Variants in CCDC12 observed in about 807,000 individuals in gnomAD.
CCDC12 encodes the protein coiled-coil domain containing 12.
CCDC12 carries 28 observed loss-of-function variants against 25.7 expected under a neutral mutation model. The observed-to-expected ratio is 1.09, with a 90% confidence interval of 0.81 to 1.50. The LOEUF is 1.50. Ranked by LOEUF, CCDC12 falls within the 40% of genes most tolerant of loss-of-function variation. The pLI, the probability that CCDC12 is intolerant of heterozygous loss-of-function variation, is 0.00. For synonymous variants in CCDC12, 75 were observed against 87.7 expected, an observed-to-expected ratio of 0.86 and a Z score of 0.81; for missense variants, 198 against 210.0, an observed-to-expected ratio of 0.94 and a Z score of 0.35.
Position 46,976,690 on chromosome 3 carries a change from C to G in CCDC12, c.43G>C (p.Ala15Pro). 2.5e-6 allele frequency: 4 copies of G among 1,607,668 alleles called. No individual in the cohort carries two copies. Among genetic ancestry groups the G allele is most frequent in the Non-Finnish European group, 3.4e-6 (4 of 1,177,264 alleles). The change falls in exon 1 of 7, where the codon GCG becomes CCG. Residue 15 changes from alanine (A) to proline (P), a missense_variant. By Grantham distance (27) the Ala-to-Pro change is conservative. Coordinates refer to ENST00000683445, the MANE Select transcript of CCDC12 (RefSeq NM_001277074.2). ...TAGVGRLEEE[A>P]LRRKERLKAL... ...TTCAGCCGTTCCTTTCGCCGCAACG[C>G]CTCTTCCTCTAGCCGGCCCACACCA...
At chr3:46,971,691 C>T (rs892459797) in intron 1 of CCDC12, among the ~76,000 whole-genome samples, 1 of 152,318 alleles carries the variant, frequency 6.6e-6, no homozygotes, top group East Asian at 1.9e-4. Flanking sequence ...GGAAAACCAA[C>T]TCCATGCCTG....
At chr3:46,951,657 G>A (rs1459045334) in intron 1 of CCDC12, among the ~76,000 whole-genome samples, 1 of 147,548 alleles carries the variant, frequency 6.8e-6, no homozygotes, top group Admixed American at 6.8e-5. Flanking sequence ...GCGGGCACCT[G>A]CAGTCCCAGC....
At position 46,921,825 on chromosome 3, in the gene CCDC12, T is replaced by G. The variant is rs1006169105; in HGVS notation, c.*232A>C. Reference sequence around the variant, plus strand: ...ATACAGACATATGTACATCCACATGTGCAGACACAGGCACGCCCAGAGTTG... The same window carrying G: ...ATACAGACATATGTACATCCACATGGGCAGACACAGGCACGCCCAGAGTTG... On this transcript the variant is annotated 3_prime_UTR_variant, in exon 7 of 7. Coordinates refer to ENST00000683445, the MANE Select transcript of CCDC12 (RefSeq NM_001277074.2). The G allele has an allele frequency of 5.1e-6, 3 of 591,752 alleles. No individual in the cohort carries two copies. The highest frequency in any genetic ancestry group is 6.0e-6 in the Non-Finnish European group (2 of 331,334). The allele number at this position is 591,752 out of a possible 1,614,324, so 36.7% of individuals were successfully genotyped here. A position where few individuals can be genotyped will look rare whatever the true frequency, so the allele number is the denominator to read the frequency against.
intron 2 of CCDC12, among the ~76,000 whole-genome samples, chr3:46,933,511 T>C (rs1460752585): frequency 2.6e-5 from 4 of 152,184 alleles, no homozygotes; most frequent in Non-Finnish European, 5.9e-5. Flanking sequence ...TGAGTGTTAG[T>C]TAAATGAGGC....
chr3:46,936,610 G>C (rs1349581511), intron 2 of CCDC12, among the ~76,000 whole-genome samples: 7 of 152,194 alleles, frequency 4.6e-5, no homozygotes, highest in African/African-American at 1.7e-4. Context: ...CCCGGGAACT[G>C]CTTCCAAAGC....
At chr3:46,951,798 A>AATATATATATATATAT (rs1553649460) in intron 1 of CCDC12, among the ~76,000 whole-genome samples, 22 of 8,430 alleles carry the variant, frequency 2.6e-3, no homozygotes, top group East Asian at 0.019. Flanking sequence ...AAAAAAAAAA[A>AATATATATATATATAT]ATATATATAT....
intron 2 of CCDC12, among the ~76,000 whole-genome samples, chr3:46,933,520 GC>G (rs1450798318): frequency 6.6e-6 from 1 of 152,206 alleles, no homozygotes; most frequent in Non-Finnish European, 1.5e-5. Flanking sequence ...GTTAAATGAG[GC>G]CCCTGCCCTG....
chr3:46,934,884 C>T (rs1243155745), intron 2 of CCDC12, among the ~76,000 whole-genome samples: 1 of 152,224 alleles, frequency 6.6e-6, no homozygotes, highest in African/African-American at 2.4e-5. Context: ...CCGCCCTGGT[C>T]GGTACCACTA....
intron 1 of CCDC12, among the ~76,000 whole-genome samples, chr3:46,957,996 C>CACACACACATAT (rs113627328): frequency 1.3e-4 from 19 of 142,684 alleles, no homozygotes; most frequent in South Asian, 4.7e-4. Context: ...CACACACACA[C>CACACACACATAT]ATATATATGT....
At chr3:46,936,225 G>A (rs924088281) in intron 2 of CCDC12, among the ~76,000 whole-genome samples, 3 of 152,312 alleles carry the variant, frequency 2.0e-5, no homozygotes, top group East Asian at 1.9e-4. Flanking sequence ...GCAAATAAGC[G>A]AGGCTCTACA....
At chr3:46,930,987 G>C (rs2033187565) in intron 2 of CCDC12, among the ~76,000 whole-genome samples, 1 of 152,242 alleles carries the variant, frequency 6.6e-6, no homozygotes, top group Admixed American at 6.5e-5. Flanking sequence ...CCTCAAGCTG[G>C]ATAAAGGAAT....
intron 1 of CCDC12, among the ~76,000 whole-genome samples, chr3:46,942,859 T>G (rs2033763347): frequency 6.6e-6 from 1 of 151,380 alleles, no homozygotes; most frequent in Non-Finnish European, 1.5e-5. Flanking sequence ...CAGAATTGGG[T>G]GATACAGCAT....
At chr3:46,952,767 A>G (rs749199536) in intron 1 of CCDC12, among the ~76,000 whole-genome samples, 4 of 152,060 alleles carry the variant, frequency 2.6e-5, no homozygotes, top group Non-Finnish European at 4.4e-5. Context: ...TATCAAAAAT[A>G]ATCAATAATT....
chr3:46,937,433 A>G (rs4683295), intron 2 of CCDC12, among the ~76,000 whole-genome samples: 51,226 of 152,050 alleles, frequency 0.34, 9,095 homozygotes, highest in East Asian at 0.48. Flanking sequence ...GGGGCTTCAC[A>G]CCTGGCACCT....
chr3:46,933,972 T>G (rs775615426), intron 2 of CCDC12, among the ~76,000 whole-genome samples: 1 of 151,348 alleles, frequency 6.6e-6, no homozygotes, highest in Non-Finnish European at 1.5e-5. Context: ...TCCACTGGAG[T>G]GCAGTGGAGC....
intron 4 of CCDC12, 77 bp downstream of exon 4, chr3:46,923,530 G>T: frequency 1.3e-6 from 2 of 1,494,574 alleles, no homozygotes; most frequent in Non-Finnish European, 1.8e-6. Flanking sequence ...GGAATGGGGG[G>T]CAGAGGGAGA....
At position 46,960,604 on chromosome 3, in the gene CCDC12, C is replaced by T. The variant is rs191829026; in HGVS notation, c.96+16033G>A. Among the ~76,000 whole-genome samples the T allele has an allele frequency of 1.5e-4, 23 of 152,328 alleles. No homozygotes were observed. In the East Asian group the frequency reaches 4.1e-3, roughly 27 times the overall value. On this transcript the variant is annotated intron_variant, in intron 1 of 6. Transcript: ENST00000683445. ...TGTGGATGTTACTGCCACAGGGCAC[C>T]GTTGCCGAAGCAACTGTTTTTCCTC...
At chr3:46,980,691 T>TG (rs2035267822), upstream of CCDC12, among the ~76,000 whole-genome samples, 1 of 152,014 alleles carries the variant, frequency 6.6e-6, no homozygotes, top group Admixed American at 6.6e-5. Flanking sequence ...AGTCAGAAGG[T>TG]GAGGGGAGTG....
At chr3:46,924,148 T>C (rs909257130) in intron 3 of CCDC12, 2 of 153,870 alleles carry the variant, frequency 1.3e-5, no homozygotes, top group Admixed American at 1.3e-4. Flanking sequence ...ACTGCCAGCA[T>C]AGTGGGCCTC....
Sources: allele counts gnomAD v4.1 joint callset (sites outside exome capture counted in the v4.1 genomes callset), GRCh38; gene constraint gnomAD v4.1.1; transcripts MANE v1.5; gene names NCBI Gene and HGNC (gene_info 2026-07-23, HGNC 2026-07-21).